PGAP1: variants seen among roughly 807,000 people sequenced by gnomAD.
PGAP1 encodes the protein GPI inositol-deacylase.
PGAP1 carries 76 observed loss-of-function variants against 127.0 expected under a neutral mutation model. That is an observed-to-expected ratio of 0.60 (90% CI 0.50 to 0.72). The LOEUF (loss-of-function observed/expected upper bound fraction) is 0.72. Ranked by LOEUF, PGAP1 falls within the 30% of genes least tolerant of loss-of-function variation. The pLI, the probability that PGAP1 is intolerant of heterozygous loss-of-function variation, is 0.00. For missense variants in PGAP1, 982 were observed against 1,071.3 expected (o/e 0.92, Z 1.16); for synonymous variants, 362 against 366.5 (o/e 0.99, Z 0.14).
At chr2:196,850,085 CAGGGT>C (rs1393642926) in intron 20 of PGAP1, among the ~76,000 whole-genome samples, 1 of 152,144 alleles carries the variant, frequency 6.6e-6, no homozygotes, top group Non-Finnish European at 1.5e-5. Context: ...TGCTGAGCCA[CAGGGT>C]GGCAGTGGTT....
intron 4 of PGAP1, among the ~76,000 whole-genome samples, chr2:196,906,890 A>AAG (rs1702738486): frequency 8.3e-6 from 1 of 121,096 alleles, no homozygotes; most frequent in African/African-American, 3.5e-5. Flanking sequence ...GCGAGAAGGG[A>AAG]AGTTTAGAGA....
intron 7 of PGAP1, among the ~76,000 whole-genome samples, chr2:196,896,818 G>A: frequency 8.7e-6 from 1 of 115,296 alleles, no homozygotes; most frequent in East Asian, 2.6e-4. Context: ...AACAGAGTGA[G>A]ACTCCATCTT....
In PGAP1 at chr2:196,920,999, T is replaced by C. The variant is rs558318429; in HGVS notation, c.148-849A>G. Among the ~76,000 whole-genome samples the C allele has an allele frequency of 3.3e-5, 5 of 152,174 alleles. No homozygotes were observed. In the South Asian group the frequency reaches 1.0e-3, roughly 32 times the overall value. ...TACATACACCCTTTTGCTCCTTTTC[T>C]TTTTTTATTTTAAAGGAGAGAAACC... On this transcript the variant is annotated intron_variant, in intron 1 of 26. Coordinates refer to ENST00000354764, the MANE Select transcript of PGAP1 (RefSeq NM_024989.4).
chr2:196,897,703 A>C (rs1464841564), intron 6 of PGAP1, among the ~76,000 whole-genome samples: 1 of 152,178 alleles, frequency 6.6e-6, no homozygotes, highest in African/African-American at 2.4e-5. Context: ...AGACAGTCCT[A>C]CCAAAAGTGC....
rs760358463 is a variant in PGAP1, at chr2:196,926,496, A to G, written c.121T>C (p.Tyr41His). ...TGATACTCCGGGTACTCAAACATGT[A>G]GCTCATACTGCACTTATTCTCCTCG... ...GFEENKCSMS[Y>H]MFEYPEYQKI... Residue 41 changes from tyrosine to histidine, a missense_variant, in exon 1 of 27, where the codon TAC (tyrosine) becomes CAC (histidine). Transcript: ENST00000354764. 3.1e-6 allele frequency: 5 copies of G among 1,613,984 alleles called. No homozygotes were observed. In the Admixed American group the frequency reaches 8.3e-5, roughly 27 times the overall value.
At chr2:196,888,229 T>C (rs1338888152) in intron 10 of PGAP1, among the ~76,000 whole-genome samples, 1 of 152,194 alleles carries the variant, frequency 6.6e-6, no homozygotes, top group African/African-American at 2.4e-5. Context: ...ATGCTACTGA[T>C]CAAAAATTTA....
chr2:196,875,815 C>A lies in PGAP1; in HGVS notation c.1357G>T (p.Val453Leu). ...TCTTTTTTAAAGAATTCACAATCTA[C>A]AACAAACTGAAATATAAAACATTGA... ...VPSVRGSKFV[V>L]DCEFFKKEKR... is the part of the protein sequence containing the mutation. The change falls in exon 14 of 27, where the codon GTA becomes TTA. Residue 453 changes from valine (V) to leucine (L), a missense_variant. Val to Leu is a conservative substitution (Grantham distance 32). Coordinates refer to ENST00000354764, the MANE Select transcript of PGAP1 (RefSeq NM_024989.4). 6.9e-7 allele frequency: 1 copy of A among 1,440,906 alleles called. No individual in the cohort carries two copies. Among genetic ancestry groups the A allele is most frequent in the Non-Finnish European group, 9.7e-7 (1 of 1,030,800 alleles). 89.3% of individuals were successfully genotyped at this position (1,440,906 alleles called of 1,614,324 possible).
intron 20 of PGAP1, among the ~76,000 whole-genome samples, chr2:196,849,220 T>C (rs1162638385): frequency 6.6e-6 from 1 of 151,834 alleles, no homozygotes; most frequent in African/African-American, 2.4e-5. Context: ...TAGACATTTA[T>C]ACTTAAGTCT....
At chr2:196,880,053 A>G in intron 13 of PGAP1, 23 bp downstream of exon 13, 1 of 1,545,508 alleles carries the variant, frequency 6.5e-7, no homozygotes, top group Non-Finnish European at 8.9e-7. Flanking sequence ...ACATTCTAAT[A>G]ACAATCTTAA....
intron 8 of PGAP1, among the ~76,000 whole-genome samples, chr2:196,892,771 T>C (rs1702142434): frequency 6.6e-6 from 1 of 152,104 alleles, no homozygotes; most frequent in African/African-American, 2.4e-5. Context: ...AAAAGATATG[T>C]TGGTAATCCA....
rs1308773137 is a variant in PGAP1 at position 196,835,963 on chromosome 2, G to A, written c.*5271C>T. ...ATTTTTTACTAGTAACATCACTATT[G>A]TATAAATATTAAAAACAAAAATGAC... On this transcript the variant is annotated 3_prime_UTR_variant, in exon 27 of 27. Coordinates refer to ENST00000354764, the MANE Select transcript of PGAP1 (RefSeq NM_024989.4). 11 of 151,922 alleles carry A rather than the reference G, an allele frequency of 7.2e-5. No individual in the cohort carries two copies. Among genetic ancestry groups the A allele is most frequent in the African/African-American group, 2.4e-4 (10 of 41,394 alleles). The allele number at this position is 151,922 out of a possible 1,614,324, so 9.4% of individuals were successfully genotyped here. A position where few individuals can be genotyped will look rare whatever the true frequency, so the allele number is the denominator to read the frequency against.
intron 2 of PGAP1, among the ~76,000 whole-genome samples, chr2:196,917,189 T>C (rs1703041110): frequency 6.6e-6 from 1 of 152,214 alleles, no homozygotes; most frequent in African/African-American, 2.4e-5. Flanking sequence ...TCCACTCTTT[T>C]TGTTCTTGTT....
At chr2:196,843,621 T>C (rs1442681676) in intron 25 of PGAP1, among the ~76,000 whole-genome samples, 1 of 152,056 alleles carries the variant, frequency 6.6e-6, no homozygotes, top group Non-Finnish European at 1.5e-5. Context: ...AGGGAGAAAA[T>C]GTGAATGTAT....
intron 20 of PGAP1, among the ~76,000 whole-genome samples, chr2:196,858,253 T>A (rs1700952297): frequency 6.6e-6 from 1 of 151,804 alleles, no homozygotes; most frequent in Admixed American, 6.6e-5. Context: ...TACAAAAAAA[T>A]TAGCTGGGCA....
rs1482886483 is a variant in PGAP1 at position 196,838,530 on chromosome 2, C to T, written c.*2704G>A. The T allele has an allele frequency of 1.3e-5, 2 of 152,136 alleles. No individual in the cohort carries two copies. The highest frequency in any genetic ancestry group is 2.9e-5 in the Non-Finnish European group (2 of 68,030). The allele number at this position is 152,136 out of a possible 1,614,324, so 9.4% of individuals were successfully genotyped here. On this transcript the variant is annotated 3_prime_UTR_variant, in exon 27 of 27. Transcript: ENST00000354764. ...AGTGCATCAAGACTCAATGAAGACC[C>T]TGTCAAAATGTAAGTGTATACATAT...
At position 196,893,981 on chromosome 2, in the gene PGAP1, G is replaced by A. The variant is rs2125820270; in HGVS notation, c.928-736C>T. Among the ~76,000 whole-genome samples, 3 of 152,272 alleles carry A rather than the reference G, an allele frequency of 2.0e-5. No homozygotes were observed. The Middle Eastern group carries it at 0.01, about 518-fold the overall frequency. On this transcript the variant is annotated intron_variant, in intron 7 of 26. Coordinates refer to ENST00000354764, the MANE Select transcript of PGAP1 (RefSeq NM_024989.4). Reference sequence around the variant, plus strand: ...GCAAAGAAGTAACAGTGAGGATCCAGGTCTACTAAACCTTTCCAATCCCTT... The same window carrying A: ...GCAAAGAAGTAACAGTGAGGATCCAAGTCTACTAAACCTTTCCAATCCCTT...
chr2:196,912,920 T>C lies in PGAP1; in HGVS notation c.611A>G (p.His204Arg). 2 of 1,613,104 alleles carry C rather than the reference T, an allele frequency of 1.2e-6. No homozygotes were observed. The highest frequency in any genetic ancestry group is 8.5e-7 in the Non-Finnish European group (1 of 1,179,674). Reference protein sequence around the residue: ...INLLITQATPHVAPVMPLDRF... With the variant: ...INLLITQATPRVAPVMPLDRF... ...ATCTAATGGCATCACAGGAGCAACATGAGGTGTGGCTTGTGTAATAAGAAG... is the reference window on the plus strand; with the variant it reads ...ATCTAATGGCATCACAGGAGCAACACGAGGTGTGGCTTGTGTAATAAGAAG... Residue 204 changes from histidine (H) to arginine (R), a missense_variant, in exon 4 of 27, where the codon CAT (histidine) becomes CGT (arginine). Transcript: ENST00000354764.
At chr2:196,919,857 G>T in intron 2 of PGAP1, 140 bp downstream of exon 2, 3 of 741,238 alleles carry the variant, frequency 4.0e-6, no homozygotes, top group Non-Finnish European at 4.2e-6. Context: ...ATTATATTTT[G>T]GTCTCTCTGT....
rs1701187922 is a variant in PGAP1, at chr2:196,864,905, T to C, written c.1861+82A>G. On this transcript the variant is annotated intron_variant, in intron 20 of 26. Transcript: ENST00000354764. Reference sequence around the variant, plus strand: ...TGATTCAATATAACAGAATTATATATATAAACACATATGTGGAACTAATAG... The same window carrying C: ...TGATTCAATATAACAGAATTATATACATAAACACATATGTGGAACTAATAG... The C allele has an allele frequency of 9.4e-6, 6 of 637,464 alleles. No individual in the cohort carries two copies. In the South Asian group the frequency reaches 1.4e-4, roughly 15 times the overall value. 39.5% of individuals were successfully genotyped at this position (637,464 alleles called of 1,614,324 possible).
Sources: gnomAD v4.1 joint callset for allele counts (sites outside exome capture counted in the v4.1 genomes callset) on GRCh38, gnomAD v4.1.1 for gene constraint, MANE v1.5 for transcripts, NCBI Gene and HGNC (gene_info 2026-07-23, HGNC 2026-07-21) for gene names.